Variants in ACBD6 observed in about 807,000 individuals in gnomAD.
ACBD6 encodes the protein acyl-CoA binding domain containing 6.
A neutral mutation model predicts 37.2 loss-of-function variants in ACBD6; 28 were observed. The ratio of observed to expected loss-of-function variants is 0.75; its 90% CI spans 0.56 to 1.03. ACBD6 has a LOEUF of 1.03. ACBD6 is among the 50% of genes least tolerant of loss of function. The pLI, the probability that ACBD6 is intolerant of heterozygous loss-of-function variation, is 0.00. For missense variants in ACBD6, 340 were observed against 337.4 expected, an observed-to-expected ratio of 1.01 and a Z score of -0.06; for synonymous variants, 113 against 126.8, an observed-to-expected ratio of 0.89 and a Z score of 0.73.
chr1:180,420,867 C>T (rs1412745845), intron 4 of ACBD6, among the ~76,000 whole-genome samples: 2 of 152,180 alleles, frequency 1.3e-5, no homozygotes, highest in Non-Finnish European at 2.9e-5. Context: ...ACAGAGGTAG[C>T]CTATCCCTTC....
At chr1:180,298,245 G>A (rs987402145) in intron 7 of ACBD6, among the ~76,000 whole-genome samples, 3 of 152,128 alleles carry the variant, frequency 2.0e-5, no homozygotes, top group Admixed American at 2.0e-4. Context: ...CCTTTACACT[G>A]CAGTTATTAG....
chr1:180,337,705 A>T (rs1190857896), intron 6 of ACBD6, among the ~76,000 whole-genome samples: 3 of 152,188 alleles, frequency 2.0e-5, no homozygotes, highest in Non-Finnish European at 1.5e-5. Context: ...GAAAAGAGGA[A>T]ATCAAATTGT....
At chr1:180,488,605 C>T (rs993233668) in intron 3 of ACBD6, among the ~76,000 whole-genome samples, 38 of 151,598 alleles carry the variant, frequency 2.5e-4, no homozygotes, top group African/African-American at 8.7e-4. Context: ...GATGGGGTCT[C>T]ACTCTGTCAC....
chr1:180,288,340 A>T lies in ACBD6; in HGVS notation c.*23T>A. On this transcript the variant is annotated 3_prime_UTR_variant, in exon 8 of 8. Coordinates refer to ENST00000367595, the MANE Select transcript of ACBD6 (RefSeq NM_032360.4). ...TAATGGAAGCCTTATGCTATTACAG[A>T]CTGCAGTTTTCCAGTCTTTTGATTA... The T allele has an allele frequency of 1.2e-6, 2 of 1,613,420 alleles. No individual in the cohort carries two copies. Among genetic ancestry groups the T allele is most frequent in the Non-Finnish European group, 1.7e-6 (2 of 1,179,892 alleles).
rs1001270735 is a variant in ACBD6, at chr1:180,502,572, G to A, written c.-306C>T. ...CCCTCCAACGGAACAGGAGTCGAGG[G>A]GCAGTGAGGCCGGGATGCGTGCGAG... On this transcript the variant is annotated 5_prime_UTR_variant, in exon 1 of 8. Coordinates refer to ENST00000367595, the MANE Select transcript of ACBD6 (RefSeq NM_032360.4). 1.4e-5 allele frequency: 6 copies of A among 420,322 alleles called. No individual in the cohort carries two copies. Among genetic ancestry groups the A allele is most frequent in the African/African-American group, 1.0e-4 (5 of 49,212 alleles). The allele number at this position is 420,322 out of a possible 1,614,324, so 26.0% of individuals were successfully genotyped here.
chr1:180,291,592 A>C (rs1400503733), intron 7 of ACBD6, among the ~76,000 whole-genome samples: 1 of 152,076 alleles, frequency 6.6e-6, no homozygotes, highest in Admixed American at 6.5e-5. Flanking sequence ...TATGTTGTGG[A>C]CACAAAATTT....
At chr1:180,469,186 T>C (rs1045168090) in intron 3 of ACBD6, among the ~76,000 whole-genome samples, 1 of 152,232 alleles carries the variant, frequency 6.6e-6, no homozygotes, top group Admixed American at 6.5e-5. Flanking sequence ...AGAATTACCC[T>C]GATTGTTTTT....
chr1:180,355,292 T>C (rs190850033), intron 6 of ACBD6, among the ~76,000 whole-genome samples: 181 of 152,360 alleles, frequency 1.2e-3, no homozygotes, highest in Non-Finnish European at 2.1e-3. Context: ...CCTTATGCTC[T>C]TAACTATGAC....
chr1:180,445,237 G>A (rs906114256), intron 3 of ACBD6, among the ~76,000 whole-genome samples: 2 of 152,098 alleles, frequency 1.3e-5, no homozygotes, highest in African/African-American at 4.8e-5. Context: ...AAGTGTTTCA[G>A]CAATATAGAT....
chr1:180,427,085 G>T (rs543337466), intron 4 of ACBD6, among the ~76,000 whole-genome samples: 1 of 152,290 alleles, frequency 6.6e-6, no homozygotes, highest in Admixed American at 6.5e-5. Context: ...AAAGCAGGAA[G>T]CAAGCTCAGA....
chr1:180,317,550 G>C (rs1427809939), intron 6 of ACBD6, among the ~76,000 whole-genome samples: 1 of 152,140 alleles, frequency 6.6e-6, no homozygotes, highest in African/African-American at 2.4e-5. Context: ...TTAGAAAAGG[G>C]TATGAGCCAA....
chr1:180,307,620 C>T (rs554918758), intron 7 of ACBD6, among the ~76,000 whole-genome samples: 47 of 151,932 alleles, frequency 3.1e-4, no homozygotes, highest in Middle Eastern at 3.4e-3. Flanking sequence ...TCTCATGTAC[C>T]CCATAAATAT....
intron 5 of ACBD6, among the ~76,000 whole-genome samples, chr1:180,409,618 T>C (rs1571470258): frequency 6.6e-6 from 1 of 152,210 alleles, no homozygotes; most frequent in African/African-American, 2.4e-5. Context: ...TGTAATTGTT[T>C]TGGAGTGCTA....
At chr1:180,379,846 A>C (rs929094922) in intron 6 of ACBD6, among the ~76,000 whole-genome samples, 3 of 152,244 alleles carry the variant, frequency 2.0e-5, no homozygotes, top group Admixed American at 2.0e-4. Flanking sequence ...CTATAATAAT[A>C]AGTGAAAATT....
intron 3 of ACBD6, among the ~76,000 whole-genome samples, chr1:180,454,779 T>G (rs1186763919): frequency 6.6e-6 from 1 of 152,182 alleles, no homozygotes; most frequent in Admixed American, 6.5e-5. Context: ...AAGCTCATCA[T>G]CACTGGTCAT....
At chr1:180,342,629 T>C (rs1441404264) in intron 6 of ACBD6, among the ~76,000 whole-genome samples, 11 of 152,090 alleles carry the variant, frequency 7.2e-5, no homozygotes, top group African/African-American at 2.7e-4. Flanking sequence ...TATGATGCCT[T>C]AATAAACCAC....
At chr1:180,436,355 A>G (rs1649035885) in intron 3 of ACBD6, among the ~76,000 whole-genome samples, 1 of 152,128 alleles carries the variant, frequency 6.6e-6, no homozygotes, top group Non-Finnish European at 1.5e-5. Flanking sequence ...GTACAAACTC[A>G]CCTGAATGGG....
At chr1:180,320,097 G>T (rs1399727979) in intron 6 of ACBD6, among the ~76,000 whole-genome samples, 2 of 152,130 alleles carry the variant, frequency 1.3e-5, no homozygotes, top group African/African-American at 4.8e-5. Flanking sequence ...CTCCATAGTG[G>T]CTGTACTAAT....
chr1:180,412,202 C>A (rs1031294816), intron 5 of ACBD6, among the ~76,000 whole-genome samples: 4 of 151,172 alleles, frequency 2.6e-5, no homozygotes, highest in Admixed American at 6.6e-5. Flanking sequence ...TAGTGAAAAA[C>A]ACATAGTATT....
Sources: allele counts gnomAD v4.1 joint callset (sites outside exome capture counted in the v4.1 genomes callset), GRCh38; gene constraint gnomAD v4.1.1; transcripts MANE v1.5; gene names NCBI Gene and HGNC (gene_info 2026-07-23, HGNC 2026-07-21).